SPINK8: variants seen among roughly 807,000 people sequenced by gnomAD.
SPINK8 encodes the protein serine peptidase inhibitor Kazal type 8 (putative), also known as serine protease inhibitor Kazal-type 8.
Under a neutral mutation model 14.4 loss-of-function variants are expected in SPINK8, and 12 were observed. That is an observed-to-expected ratio of 0.83 (90% CI 0.53 to 1.35). The LOEUF is 1.35. Among genes scored for constraint, SPINK8 ranks in the 40% most tolerant of loss-of-function variants. The probability of loss-of-function intolerance (pLI) is 0.00; values close to 1 mark genes in which losing one functional copy is unlikely to be tolerated. For missense variants in SPINK8, 103 were observed against 117.0 expected (o/e 0.88, Z 0.55); for synonymous variants, 32 against 37.6 (o/e 0.85, Z 0.55).
At chr3:48,316,157 C>G (rs1425805124) in intron 6 of SPINK8, among the ~76,000 whole-genome samples, 1 of 152,112 alleles carries the variant, frequency 6.6e-6, no homozygotes, top group Non-Finnish European at 1.5e-5. Flanking sequence ...TAAAGGGAAT[C>G]CCTCAAGGAG....
In SPINK8 at chr3:48,307,961, C is replaced by CTTTTTT. The variant is rs869147798; in HGVS notation, c.283-964_283-959dup. Among the ~76,000 whole-genome samples, 49 of 68,224 alleles carry CTTTTTT rather than the reference C, an allele frequency of 7.2e-4. 6 individuals are homozygous for CTTTTTT. The highest frequency in any genetic ancestry group is 1.4e-3 in the African/African-American group (22 of 15,696). 44.8% of individuals were successfully genotyped at this position (68,224 alleles called of 152,430 possible). ...ATGAATTCTGACTTCAGTCTGCATT[C>CTTTTTT]TTTTTTTTTTTTTTTTTTTTTTTTT... On this transcript the variant is annotated intron_variant, in intron 7 of 7. Coordinates refer to ENST00000434006, the MANE Select transcript of SPINK8 (RefSeq NM_001080525.3).
chr3:48,320,086 C>T (rs540536302), intron 5 of SPINK8, among the ~76,000 whole-genome samples: 1 of 151,402 alleles, frequency 6.6e-6, no homozygotes, highest in African/African-American at 2.4e-5. Flanking sequence ...GCCGAGATCG[C>T]GCCACTGCAC....
At chr3:48,331,390 C>T (rs2036258436) in intron 2 of SPINK8, among the ~76,000 whole-genome samples, 1 of 152,116 alleles carries the variant, frequency 6.6e-6, no homozygotes, top group Non-Finnish European at 1.5e-5. Context: ...TCAATATCTG[C>T]TTGGCGGTTC....
chr3:48,309,407 A>C (rs1193272510), intron 7 of SPINK8, among the ~76,000 whole-genome samples: 1 of 152,246 alleles, frequency 6.6e-6, no homozygotes, highest in Non-Finnish European at 1.5e-5. Context: ...TCTTTCATTA[A>C]TATCCTAGAT....
chr3:48,310,059 A>G, intron 6 of SPINK8, 113 bp from the exon 7 acceptor site: 5 of 1,202,762 alleles, frequency 4.2e-6, no homozygotes, highest in Non-Finnish European at 5.3e-6. Context: ...TTCTGCTAAT[A>G]ATGAATTCTT....
chr3:48,327,478 G>A (rs1575347237), intron 4 of SPINK8, among the ~76,000 whole-genome samples: 1 of 152,320 alleles, frequency 6.6e-6, no homozygotes, highest in Non-Finnish European at 1.5e-5. Flanking sequence ...TTGAGTTATG[G>A]TGTGTTCCCG....
chr3:48,324,133 T>C lies in SPINK8; in HGVS notation c.68-3059A>G, dbSNP rs1043867563. ...CCAATCCATGAAGATGGGATATCTT[T>C]ATGTTGGTTTAGGTCTTCTTTAATT... is the stretch of plus-strand genomic sequence containing the variant. On this transcript the variant is annotated intron_variant, in intron 4 of 7. Coordinates refer to ENST00000434006, the MANE Select transcript of SPINK8 (RefSeq NM_001080525.3). Among the ~76,000 whole-genome samples, 5 of 152,160 alleles carry C rather than the reference T, an allele frequency of 3.3e-5. No homozygotes were observed. The South Asian group carries it at 1.0e-3, about 32-fold the overall frequency.
At chr3:48,307,915 C>G (rs912608922) in intron 7 of SPINK8, among the ~76,000 whole-genome samples, 8 of 145,300 alleles carry the variant, frequency 5.5e-5, no homozygotes, top group South Asian at 4.4e-4. Context: ...GGTACTAGCT[C>G]TAGATCACTG....
chr3:48,314,257 C>A (rs760737103), intron 6 of SPINK8, among the ~76,000 whole-genome samples: 2 of 151,738 alleles, frequency 1.3e-5, no homozygotes. Flanking sequence ...AAGTAAGAAT[C>A]TTTAAAATTT....
chr3:48,319,729 A>G (rs1296767723), intron 5 of SPINK8, 111 bp from the exon 6 acceptor site: 11 of 1,451,914 alleles, frequency 7.6e-6, no homozygotes, highest in Non-Finnish European at 1.0e-5. Context: ...TCAGGAGTTC[A>G]GAGAAAAGGA....
chr3:48,319,354 G>T (rs944572670), intron 6 of SPINK8, 143 bp downstream of exon 6: 29 of 970,928 alleles, frequency 3.0e-5, no homozygotes, highest in Non-Finnish European at 6.1e-6. Context: ...AGGAATGGAA[G>T]AAAGGGAGGA....
chr3:48,326,577 A>G (rs1412241373), intron 4 of SPINK8, among the ~76,000 whole-genome samples: 3 of 151,450 alleles, frequency 2.0e-5, no homozygotes, highest in Non-Finnish European at 4.4e-5. Context: ...ACTGCACTCC[A>G]TCCTGGGTGG....
intron 6 of SPINK8, among the ~76,000 whole-genome samples, chr3:48,314,983 C>T (rs1195661265): frequency 6.6e-6 from 1 of 152,206 alleles, no homozygotes; most frequent in Non-Finnish European, 1.5e-5. Context: ...TAGCTTTAAA[C>T]TGCCTGGTTG....
At chr3:48,326,686 A>T (rs2036145736) in intron 4 of SPINK8, among the ~76,000 whole-genome samples, 2 of 152,088 alleles carry the variant, frequency 1.3e-5, no homozygotes, top group Non-Finnish European at 2.9e-5. Context: ...AGCCGGATGG[A>T]TCATTCGAGG....
chr3:48,321,723 A>C (rs1190091124), intron 4 of SPINK8, among the ~76,000 whole-genome samples: 1 of 150,498 alleles, frequency 6.6e-6, no homozygotes, highest in Non-Finnish European at 1.5e-5. Flanking sequence ...TTGAGGGAGG[A>C]GAATGACTTG....
intron 6 of SPINK8, among the ~76,000 whole-genome samples, chr3:48,312,320 G>C (rs2035933051): frequency 6.6e-6 from 1 of 152,042 alleles, no homozygotes; most frequent in African/African-American, 2.4e-5. Context: ...AATAAAGCTG[G>C]GACAACTGGA....
At chr3:48,312,427 GAGGTC>G in intron 6 of SPINK8, among the ~76,000 whole-genome samples, 1 of 152,152 alleles carries the variant, frequency 6.6e-6, no homozygotes, top group Non-Finnish European at 1.5e-5. Context: ...CAGATGACCT[GAGGTC>G]AAGAATTTGA....
At chr3:48,315,589 C>A (rs1468503083) in intron 6 of SPINK8, among the ~76,000 whole-genome samples, 1 of 151,754 alleles carries the variant, frequency 6.6e-6, no homozygotes, top group African/African-American at 2.4e-5. Flanking sequence ...GGCTTGATGG[C>A]ACAAGCCTGT....
intron 7 of SPINK8, 128 bp from the exon 8 acceptor site, chr3:48,307,131 G>A (rs2035859841): frequency 2.2e-6 from 2 of 902,160 alleles, no homozygotes; most frequent in Non-Finnish European, 3.4e-6. Flanking sequence ...ATTAAGGCAG[G>A]TTAGAGACAT....
Sources: gnomAD v4.1 joint callset for allele counts (sites outside exome capture counted in the v4.1 genomes callset) on GRCh38, gnomAD v4.1.1 for gene constraint, MANE v1.5 for transcripts, NCBI Gene and HGNC (gene_info 2026-07-23, HGNC 2026-07-21) for gene names.